TANGO6: variants seen among roughly 807,000 people sequenced by gnomAD.
TANGO6 encodes transport and golgi organization 6 homolog, also known as transport and Golgi organization protein 6 homolog.
A neutral mutation model predicts 114.2 loss-of-function variants in TANGO6; 90 were observed. The ratio of observed to expected loss-of-function variants is 0.79; its 90% CI spans 0.66 to 0.94. TANGO6 has a LOEUF of 0.94. Ranked by LOEUF, TANGO6 falls within the 40% of genes least tolerant of loss-of-function variation. TANGO6 has a pLI of 0.00. For synonymous variants in TANGO6, 477 were observed against 509.8 expected (o/e 0.94, Z 0.87); for missense variants, 1,274 against 1,315.3 (o/e 0.97, Z 0.49).
chr16:68,868,062 T>G (rs1962207955), intron 4 of TANGO6: 1 of 151,250 alleles, frequency 6.6e-6, no homozygotes, highest in Admixed American at 6.6e-5. Flanking sequence ...GAGGATCACT[T>G]GAGCCCAGGA....
chr16:68,876,107 A>T lies in TANGO6; in HGVS notation c.1131+817A>T, dbSNP rs749694090. Reference sequence around the variant, plus strand: ...TATGTTAATGTATGTATATATTAACATGTATGTGCATACACACATACATTA... The same window carrying T: ...TATGTTAATGTATGTATATATTAACTTGTATGTGCATACACACATACATTA... On this transcript the variant is annotated intron_variant, in intron 5 of 17. Coordinates refer to ENST00000261778, the MANE Select transcript of TANGO6 (RefSeq NM_024562.2). 9.4e-4 allele frequency among the ~76,000 whole-genome samples: 143 copies of T among 152,292 alleles called. 2 individuals are homozygous for T. Among genetic ancestry groups the T allele is most frequent in the Non-Finnish European group, 1.4e-3 (97 of 68,024 alleles).
chr16:69,040,273 A>C lies in TANGO6; in HGVS notation c.2995-35A>C. The C allele has an allele frequency of 1.9e-6, 3 of 1,543,494 alleles. No homozygotes were observed. In the South Asian group the frequency reaches 3.5e-5, roughly 18 times the overall value. On this transcript the variant is annotated intron_variant, in intron 16 of 17. Coordinates refer to ENST00000261778, the MANE Select transcript of TANGO6 (RefSeq NM_024562.2). ...GGTTATAGGTAATTGTGCAACTCTG[A>C]TTCTTATCAACTTCATCTTCCTTCA... is the stretch of plus-strand genomic sequence containing the variant.
chr16:68,864,996 T>C (rs1490962691), intron 3 of TANGO6, among the ~76,000 whole-genome samples: 1 of 151,956 alleles, frequency 6.6e-6, no homozygotes, highest in Non-Finnish European at 1.5e-5. Flanking sequence ...AGTGCAGTGG[T>C]GCCGGGCGTG....
At chr16:68,941,512 G>A (rs551253538) in intron 14 of TANGO6, among the ~76,000 whole-genome samples, 12 of 152,058 alleles carry the variant, frequency 7.9e-5, no homozygotes, top group Non-Finnish European at 1.0e-4. Context: ...GGGAGGACGA[G>A]GTGGGTGGAT....
intron 15 of TANGO6, among the ~76,000 whole-genome samples, chr16:68,988,662 G>C (rs1330384336): frequency 1.4e-5 from 2 of 147,962 alleles, no homozygotes; most frequent in Non-Finnish European, 3.0e-5. Context: ...TTTGTGTTTG[G>C]TGAATAGTTA....
intron 14 of TANGO6, among the ~76,000 whole-genome samples, chr16:68,955,552 G>C (rs1359229011): frequency 6.6e-6 from 1 of 152,190 alleles, no homozygotes; most frequent in African/African-American, 2.4e-5. Context: ...ATGCTGAGAC[G>C]ATCAGTTGGG....
At chr16:69,020,742 A>T (rs144179508) in intron 15 of TANGO6, among the ~76,000 whole-genome samples, 69 of 152,214 alleles carry the variant, frequency 4.5e-4, no homozygotes, top group Middle Eastern at 6.8e-3. Flanking sequence ...TCTACAAAAA[A>T]ATCAAAAAAT....
chr16:69,030,929 G>A (rs1222083085), intron 16 of TANGO6, among the ~76,000 whole-genome samples: 1 of 151,720 alleles, frequency 6.6e-6, no homozygotes, highest in South Asian at 2.1e-4. Context: ...GGTGGTGCAC[G>A]CCTGTAGTCC....
chr16:68,941,060 T>C (rs1963348232), intron 14 of TANGO6, among the ~76,000 whole-genome samples: 1 of 152,216 alleles, frequency 6.6e-6, no homozygotes, highest in Non-Finnish European at 1.5e-5. Context: ...TTTTTAAATA[T>C]GACATTTTAG....
At chr16:68,924,919 C>T (rs1299426754) in intron 12 of TANGO6, among the ~76,000 whole-genome samples, 3 of 152,074 alleles carry the variant, frequency 2.0e-5, no homozygotes, top group Admixed American at 2.0e-4. Flanking sequence ...CCTGGTTGTC[C>T]AGCCCGAGGC....
intron 17 of TANGO6, among the ~76,000 whole-genome samples, chr16:69,063,435 G>A (rs1960158311): frequency 6.6e-6 from 1 of 151,838 alleles, no homozygotes; most frequent in Non-Finnish European, 1.5e-5. Flanking sequence ...TGAGGCAGGA[G>A]AATGGCGTGA....
At chr16:69,073,358 G>A (rs946957860) in intron 17 of TANGO6, among the ~76,000 whole-genome samples, 1 of 152,220 alleles carries the variant, frequency 6.6e-6, no homozygotes, top group African/African-American at 2.4e-5. Context: ...AGGCGGAAAT[G>A]ACTTCCTTTG....
At chr16:68,861,502 T>G (rs1011261879) in intron 2 of TANGO6, among the ~76,000 whole-genome samples, 18 of 152,140 alleles carry the variant, frequency 1.2e-4, no homozygotes, top group Non-Finnish European at 2.9e-5. Flanking sequence ...GCGTCCTCCT[T>G]CCGGCAGGGT....
At chr16:68,987,417 GGCATGCAGTA>G (rs1963906176) in intron 15 of TANGO6, among the ~76,000 whole-genome samples, 1 of 152,148 alleles carries the variant, frequency 6.6e-6, no homozygotes, top group South Asian at 2.1e-4. Flanking sequence ...CACCCAGGCT[GGCATGCAGTA>G]GCATGATCTC....
intron 14 of TANGO6, among the ~76,000 whole-genome samples, chr16:68,970,627 A>G (rs1359336125): frequency 5.4e-5 from 8 of 148,170 alleles, no homozygotes; most frequent in Admixed American, 4.8e-4. Flanking sequence ...AGATCACGCC[A>G]TTGTACTCCA....
chr16:68,955,207 C>T (rs947605367), intron 14 of TANGO6, among the ~76,000 whole-genome samples: 5 of 152,154 alleles, frequency 3.3e-5, no homozygotes, highest in Admixed American at 1.3e-4. Context: ...TTAATGAAAT[C>T]GTTGCTTGGA....
intron 17 of TANGO6, among the ~76,000 whole-genome samples, chr16:69,076,092 T>TC (rs1960374220): frequency 7.4e-6 from 1 of 135,000 alleles, no homozygotes; most frequent in Admixed American, 7.4e-5. Context: ...TCATTTCTTT[T>TC]TTTTTTTTTT....
intron 7 of TANGO6, among the ~76,000 whole-genome samples, chr16:68,882,845 T>C (rs888217389): frequency 6.6e-5 from 10 of 152,128 alleles, no homozygotes; most frequent in East Asian, 3.9e-4. Context: ...GGTGAAACCC[T>C]GTCTCTACTA....
intron 17 of TANGO6, among the ~76,000 whole-genome samples, chr16:69,056,540 A>G (rs937404743): frequency 2.0e-5 from 3 of 151,886 alleles, no homozygotes; most frequent in Non-Finnish European, 4.4e-5. Context: ...GACTCAGTAC[A>G]TGTTAGCCTA....
Sources: gnomAD v4.1 joint callset for allele counts (sites outside exome capture counted in the v4.1 genomes callset) on GRCh38, gnomAD v4.1.1 for gene constraint, MANE v1.5 for transcripts, NCBI Gene and HGNC (gene_info 2026-07-23, HGNC 2026-07-21) for gene names.